The following DNAH6 variants were observed in gnomAD, a reference collection of about 807,000 sequenced individuals.
DNAH6 encodes the protein axonemal beta dynein heavy chain 6.
DNAH6 carries 340 observed loss-of-function variants against 491.4 expected under a neutral mutation model. That is an observed-to-expected ratio of 0.69 (90% CI 0.63 to 0.76). The LOEUF is 0.76. DNAH6 is among the 30% of genes least tolerant of loss of function. The pLI, the probability that DNAH6 is intolerant of heterozygous loss-of-function variation, is 0.00. For missense variants in DNAH6, 4,443 were observed against 4,972.2 expected, an observed-to-expected ratio of 0.89 and a Z score of 3.20; for synonymous variants, 1,603 against 1,686.1, an observed-to-expected ratio of 0.95 and a Z score of 1.21.
the DNAH6 span, among the ~76,000 whole-genome samples, chr2:84,490,581 A>C: frequency 8.5e-5 from 13 of 152,184 alleles, no homozygotes; most frequent in Admixed American, 8.5e-4. Flanking sequence ...TTTATTTTTA[A>C]GATGGAGTCT....
intron 59 of DNAH6, among the ~76,000 whole-genome samples, chr2:84,722,225 A>G (rs547670771): frequency 4.6e-5 from 7 of 152,286 alleles, no homozygotes; most frequent in South Asian, 2.1e-4. Context: ...TCTTTTGGGC[A>G]TCTTCCTGGG....
intron 75 of DNAH6, among the ~76,000 whole-genome samples, chr2:84,815,270 G>A (rs1680374246): frequency 6.6e-6 from 1 of 152,062 alleles, no homozygotes; most frequent in African/African-American, 2.4e-5. Flanking sequence ...AAACAGCTTA[G>A]TCCTCTGCCT....
At chr2:84,645,176 T>G (rs1338025467) in intron 33 of DNAH6, among the ~76,000 whole-genome samples, 1 of 152,138 alleles carries the variant, frequency 6.6e-6, no homozygotes, top group Non-Finnish European at 1.5e-5. Flanking sequence ...TCCCAACACT[T>G]TGGGAGGATG....
intron 66 of DNAH6, 141 bp from the exon 67 acceptor site, chr2:84,785,469 C>T (rs1677087806): frequency 5.0e-6 from 4 of 804,440 alleles, no homozygotes; most frequent in Non-Finnish European, 7.3e-6. Flanking sequence ...CAGGCTCGAA[C>T]ATGCCAGGAA....
chr2:84,553,845 C>T (rs945348201), intron 10 of DNAH6, among the ~76,000 whole-genome samples: 19 of 152,018 alleles, frequency 1.2e-4, no homozygotes, highest in Admixed American at 3.9e-4. Context: ...TTATCCATAG[C>T]GGTGTAACAA....
chr2:84,798,281 G>A (rs1281528878), intron 70 of DNAH6, among the ~76,000 whole-genome samples: 2 of 152,090 alleles, frequency 1.3e-5, no homozygotes, highest in African/African-American at 2.4e-5. Context: ...GGCACCAGAA[G>A]CAACCCCTGG....
chr2:84,634,600 G>A lies in DNAH6; in HGVS notation c.4612G>A (p.Ala1538Thr), dbSNP rs375217652. 15 of 1,549,596 alleles carry A rather than the reference G, an allele frequency of 9.7e-6. No homozygotes were observed. Among genetic ancestry groups the A allele is most frequent in the Admixed American group, 5.9e-5 (3 of 50,692 alleles). Reference protein sequence around the residue: ...RIDIEVLSVIAQQLITIRNAK... With the variant: ...RIDIEVLSVITQQLITIRNAK... ...TGACATAGAAGTTCTGTCCGTCATCGCGCAGCAACTCATTACCATTAGGAA... is the reference window on the plus strand; with the variant it reads ...TGACATAGAAGTTCTGTCCGTCATCACGCAGCAACTCATTACCATTAGGAA... The change falls in exon 30 of 77, where the codon GCG (alanine) becomes ACG (threonine). Residue 1538 changes from alanine (A) to threonine (T), a missense_variant. This residue lies in a region of DNAH6 where 2,977 missense variants were observed against 3,296.6 expected (regional missense o/e 0.90). Transcript: ENST00000389394.
chr2:84,686,420 A>T, intron 43 of DNAH6, 64 bp from the exon 44 acceptor site: 1 of 927,296 alleles, frequency 1.1e-6, no homozygotes, highest in Non-Finnish European at 1.7e-6. Context: ...TATATGTTTT[A>T]TCACTAAAAT....
intron 15 of DNAH6, among the ~76,000 whole-genome samples, chr2:84,588,047 T>C (rs1224444339): frequency 1.3e-5 from 2 of 152,210 alleles, no homozygotes; most frequent in African/African-American, 4.8e-5. Flanking sequence ...GTCCACCAGT[T>C]CTCTCAACAG....
rs1674160190 is a variant in DNAH6 at position 84,757,535 on chromosome 2, A to AT, written c.10513-5219dup. ...GGAAACACTCTCTATTCAGGCCATT[A>AT]TGCCACTGATGGTTTCAACATCAGG... On this transcript the variant is annotated intron_variant, in intron 63 of 76. Coordinates refer to ENST00000389394, the MANE Select transcript of DNAH6 (RefSeq NM_001370.2). Among the ~76,000 whole-genome samples, 3 of 152,230 alleles carry AT rather than the reference A, an allele frequency of 2.0e-5. No individual in the cohort carries two copies. In the South Asian group the frequency reaches 6.2e-4, roughly 31 times the overall value.
chr2:84,577,235 T>G, intron 12 of DNAH6, 22 bp from the exon 13 acceptor site: 1 of 1,482,856 alleles, frequency 6.7e-7, no homozygotes, highest in Non-Finnish European at 9.1e-7. Flanking sequence ...ATTTTATGCT[T>G]TATGTGAATT....
At position 84,703,309 on chromosome 2, in the gene DNAH6, T is replaced by A; in HGVS notation, c.8062-86T>A. 4.1e-6 allele frequency: 4 copies of A among 972,450 alleles called. No individual in the cohort carries two copies. The South Asian group carries it at 1.1e-4, about 27-fold the overall frequency. The allele number at this position is 972,450 out of a possible 1,614,324, so 60.2% of individuals were successfully genotyped here. A position where few individuals can be genotyped will look rare whatever the true frequency, so the allele number is the denominator to read the frequency against. On this transcript the variant is annotated intron_variant, in intron 49 of 76. Transcript: ENST00000389394. Reference sequence around the variant, plus strand: ...TTTAACAATTCTGTAGACGTAAAAGTCTAATACATGAGTAATATGTGTTCG... The same window carrying A: ...TTTAACAATTCTGTAGACGTAAAAGACTAATACATGAGTAATATGTGTTCG...
At position 84,553,022 on chromosome 2, in the gene DNAH6, G is replaced by A. The variant is rs1441468978; in HGVS notation, c.1590G>A (p.Leu530=). Residue 530 remains leucine, a synonymous_variant, in exon 10 of 77, where the codon CTG becomes CTA. Coordinates refer to ENST00000389394, the MANE Select transcript of DNAH6 (RefSeq NM_001370.2). ...AGTCACTGCTCTTTGAGCCTTCTCT[G>A]GAAGACTTTCTGGTGTGTGTTTTTC... The part of the protein sequence containing the change: ...TVQSLLFEPS[L]EDFLDGILGA... 1 of 1,594,230 alleles carries A rather than the reference G, an allele frequency of 6.3e-7. No individual in the cohort carries two copies. Among genetic ancestry groups the A allele is most frequent in the Non-Finnish European group, 8.6e-7 (1 of 1,167,004 alleles).
At chr2:84,559,640 C>T (rs780842071) in intron 11 of DNAH6, among the ~76,000 whole-genome samples, 4 of 152,026 alleles carry the variant, frequency 2.6e-5, no homozygotes, top group Non-Finnish European at 5.9e-5. Flanking sequence ...ACTGACAGAA[C>T]AGAATGCTCT....
Position 84,710,350 on chromosome 2 carries a change from A to G in DNAH6, c.9316A>G (p.Ser3106Gly), listed in dbSNP as rs747318829. 13 of 1,551,688 alleles carry G rather than the reference A, an allele frequency of 8.4e-6. 1 individual carries two copies. In the Admixed American group the frequency reaches 1.8e-4, roughly 21 times the overall value. ...TTTAAAGATCATTAAGCTTACAGAT[A>G]GTAATTTCTTACGAATACTCGAGAA... ...SGLKIIKLTDSNFLRILENSI... is the reference protein window; with the variant it reads ...SGLKIIKLTDGNFLRILENSI... Residue 3106 changes from serine to glycine, a missense_variant, in exon 56 of 77, where the codon AGT becomes GGT. Physicochemically the swap from Ser to Gly is moderately conservative, Grantham distance 56. Coordinates refer to ENST00000389394, the MANE Select transcript of DNAH6 (RefSeq NM_001370.2).
chr2:84,475,290 C>T, the DNAH6 span, among the ~76,000 whole-genome samples: 1 of 152,134 alleles, frequency 6.6e-6, no homozygotes, highest in Non-Finnish European at 1.5e-5. Flanking sequence ...AATTTTTGTA[C>T]ATTTGTAAGG....
chr2:84,584,434 C>A, intron 15 of DNAH6, 184 bp downstream of exon 15: 1 of 618,420 alleles, frequency 1.6e-6, no homozygotes, highest in Non-Finnish European at 2.7e-6. Context: ...ACGTCACATA[C>A]ATCATTTTTT....
chr2:84,730,648 G>T (rs1406934321), intron 61 of DNAH6, among the ~76,000 whole-genome samples: 1 of 152,204 alleles, frequency 6.6e-6, no homozygotes, highest in Non-Finnish European at 1.5e-5. Flanking sequence ...GCTGCATGTG[G>T]CCTGTGGGCC....
At chr2:84,492,163 A>G in the DNAH6 span, among the ~76,000 whole-genome samples, 144,772 of 152,308 alleles carry the variant, frequency 0.95, 68,828 homozygotes, top group East Asian at 1. Context: ...CACCTTTCTG[A>G]GAGCTAAGTA....
Sources: gnomAD v4.1 joint callset for allele counts (sites outside exome capture counted in the v4.1 genomes callset) on GRCh38, gnomAD v4.1.1 for gene constraint, gnomAD v4.1.1 regional missense constraint, MANE v1.5 for transcripts, NCBI Gene and HGNC (gene_info 2026-07-23, HGNC 2026-07-21) for gene names.